SH3BP5: variants seen among roughly 807,000 people sequenced by gnomAD.
The protein encoded by SH3BP5 is SH3 domain-binding protein 5.
In SH3BP5, 22 loss-of-function variants were observed where a neutral mutation model predicts 43.3. The ratio of observed to expected loss-of-function variants is 0.51; its 90% CI spans 0.36 to 0.73. SH3BP5 has a LOEUF of 0.73. Among genes scored for constraint, SH3BP5 ranks in the 30% least tolerant of loss-of-function variants. The pLI is 0.00. For missense variants in SH3BP5, 529 were observed against 586.9 expected (o/e 0.90, Z 1.02); for synonymous variants, 255 against 225.8 (o/e 1.13, Z -1.16).
At chr3:15,285,361 G>A (rs1355699217) in intron 3 of SH3BP5, among the ~76,000 whole-genome samples, 3 of 152,094 alleles carry the variant, frequency 2.0e-5, no homozygotes, top group Admixed American at 6.5e-5. Context: ...TCATATGAAC[G>A]CCATTCTCTC....
At chr3:15,286,182 G>A (rs73818707) in intron 3 of SH3BP5, among the ~76,000 whole-genome samples, 7,422 of 152,252 alleles carry the variant, frequency 0.049, 623 homozygotes, top group African/African-American at 0.17. Flanking sequence ...TCTGGCTGCC[G>A]GAGGCCATAC....
At chr3:15,275,590 A>G (rs1046183317) in intron 3 of SH3BP5, 4 of 152,274 alleles carry the variant, frequency 2.6e-5, no homozygotes, top group African/African-American at 9.6e-5. Context: ...GGCCCTGCTT[A>G]TAATAGTACT....
At chr3:15,309,242 GA>G (rs978003988) in intron 2 of SH3BP5, among the ~76,000 whole-genome samples, 2 of 152,088 alleles carry the variant, frequency 1.3e-5, no homozygotes, top group African/African-American at 4.8e-5. Flanking sequence ...GGCTAGGGGA[GA>G]AAAAAACAGG....
intron 1 of SH3BP5, among the ~76,000 whole-genome samples, chr3:15,338,552 G>A (rs562951018): frequency 8.1e-4 from 123 of 152,232 alleles, no homozygotes; most frequent in Non-Finnish European, 1.5e-3. Flanking sequence ...GAAGCGACTG[G>A]TGGGATCAGG....
intron 2 of SH3BP5, among the ~76,000 whole-genome samples, chr3:15,320,336 A>G (rs1430605998): frequency 6.6e-6 from 1 of 152,190 alleles, no homozygotes; most frequent in African/African-American, 2.4e-5. Flanking sequence ...AGGAAAAAAA[A>G]ATCAGGCAAG....
chr3:15,261,701 A>G (rs754916703), intron 5 of SH3BP5, among the ~76,000 whole-genome samples: 5 of 71,456 alleles, frequency 7.0e-5, no homozygotes, highest in Admixed American at 5.6e-4. Context: ...GAGATTGGAG[A>G]AAAAAAAAAA....
intron 4 of SH3BP5, among the ~76,000 whole-genome samples, chr3:15,265,393 G>A (rs986107912): frequency 1.3e-5 from 2 of 152,000 alleles, no homozygotes; most frequent in African/African-American, 4.8e-5. Flanking sequence ...GTTGGTGCCT[G>A]TAGTCCCAGC....
At chr3:15,280,884 A>G (rs1334562335) in intron 3 of SH3BP5, among the ~76,000 whole-genome samples, 1 of 152,220 alleles carries the variant, frequency 6.6e-6, no homozygotes, top group African/African-American at 2.4e-5. Context: ...CCAATCAGGG[A>G]AGCTATTTCA....
chr3:15,288,297 C>T (rs949015000), intron 3 of SH3BP5, among the ~76,000 whole-genome samples: 11 of 152,310 alleles, frequency 7.2e-5, no homozygotes, highest in African/African-American at 2.6e-4. Context: ...TTATATTTGA[C>T]CACATATCTG....
chr3:15,292,178 C>T (rs1358663756), intron 3 of SH3BP5, among the ~76,000 whole-genome samples: 1 of 152,186 alleles, frequency 6.6e-6, no homozygotes, highest in Non-Finnish European at 1.5e-5. Flanking sequence ...AATCACTTTA[C>T]TGAAAGCAGA....
chr3:15,292,822 T>C (rs1697451116), intron 3 of SH3BP5, among the ~76,000 whole-genome samples: 3 of 152,160 alleles, frequency 2.0e-5, no homozygotes, highest in Admixed American at 2.0e-4. Context: ...CACCCCAGCC[T>C]GGGCAACAAA....
intron 3 of SH3BP5, 131 bp from the exon 4 acceptor site, chr3:15,270,008 C>T (rs1575291673): frequency 2.7e-6 from 2 of 730,398 alleles, no homozygotes; most frequent in East Asian, 2.8e-5. Context: ...TCCTGGCACC[C>T]ACAGGTCCTC....
Position 15,332,419 on chromosome 3 carries a change from G to A in SH3BP5, c.-11C>T, listed in dbSNP as rs941058754. ...CAGTGCCGCGTCCATGCAGGCAGCCGGCACGCGCGCCGCGCAGTGGGCTCC... is the reference window on the plus strand; with the variant it reads ...CAGTGCCGCGTCCATGCAGGCAGCCAGCACGCGCGCCGCGCAGTGGGCTCC... On this transcript the variant is annotated 5_prime_UTR_variant, in exon 1 of 9. Coordinates refer to ENST00000383791, the MANE Select transcript of SH3BP5 (RefSeq NM_004844.5). 2.0e-6 allele frequency: 3 copies of A among 1,530,618 alleles called. No individual in the cohort carries two copies. Among genetic ancestry groups the A allele is most frequent in the African/African-American group, 2.8e-5 (2 of 72,586 alleles). 94.8% of individuals were successfully genotyped at this position (1,530,618 alleles called of 1,614,324 possible). A position where few individuals can be genotyped will look rare whatever the true frequency, so the allele number is the denominator to read the frequency against.
At chr3:15,332,749 GC>G, upstream of SH3BP5, 1 of 781,956 alleles carries the variant, frequency 1.3e-6, no homozygotes, top group Non-Finnish European at 1.6e-6. Flanking sequence ...AAATAGGACA[GC>G]CCCCACCCCC....
chr3:15,272,500 G>A (rs899777771), intron 3 of SH3BP5, among the ~76,000 whole-genome samples: 2 of 152,098 alleles, frequency 1.3e-5, no homozygotes, highest in African/African-American at 2.4e-5. Context: ...CTGATGAGGT[G>A]GGGGACAGAA....
chr3:15,338,153 G>A (rs964014511), intron 1 of SH3BP5, among the ~76,000 whole-genome samples: 3 of 151,766 alleles, frequency 2.0e-5, no homozygotes, highest in African/African-American at 7.3e-5. Flanking sequence ...ACCAGCCTGG[G>A]CAACATAGCA....
chr3:15,337,848 G>A (rs1472170325), intron 1 of SH3BP5, among the ~76,000 whole-genome samples: 1 of 146,076 alleles, frequency 6.8e-6, no homozygotes, highest in African/African-American at 2.6e-5. Flanking sequence ...CCAGGAGCTC[G>A]AGGCTGCAGT....
In SH3BP5 at chr3:15,277,045, G is replaced by T. The variant is rs924456919; in HGVS notation, c.331-7168C>A. On this transcript the variant is annotated intron_variant, in intron 3 of 8. Transcript: ENST00000383791. ...GGCTCACTGCAATCTCCACCTCCTG[G>T]GTTCAAATGATTCTCCTGCCTCAGC... Among the ~76,000 whole-genome samples, 4 of 152,036 alleles carry T rather than the reference G, an allele frequency of 2.6e-5. No homozygotes were observed. In the East Asian group the frequency reaches 7.7e-4, roughly 29 times the overall value.
chr3:15,312,745 C>A (rs1178362190), intron 2 of SH3BP5, among the ~76,000 whole-genome samples: 1 of 152,124 alleles, frequency 6.6e-6, no homozygotes, highest in African/African-American at 2.4e-5. Flanking sequence ...AGGCTCAGAG[C>A]CTTCCGTAAA....
Sources: gnomAD v4.1 joint callset for allele counts (sites outside exome capture counted in the v4.1 genomes callset) on GRCh38, gnomAD v4.1.1 for gene constraint, MANE v1.5 for transcripts, NCBI Gene and HGNC (gene_info 2026-07-23, HGNC 2026-07-21) for gene names.